Variants in SNX27 observed in about 807,000 individuals in gnomAD.
SNX27 encodes sorting nexin-27.
SNX27 carries 22 observed loss-of-function variants against 71.6 expected under a neutral mutation model. The observed-to-expected ratio is 0.31, with a 90% CI of 0.22 to 0.44. SNX27 has a LOEUF of 0.44. SNX27 is among the 20% of genes least tolerant of loss of function. The pLI, the probability that SNX27 is intolerant of heterozygous loss-of-function variation, is 1.00. For synonymous variants in SNX27, 269 were observed against 277.2 expected (o/e 0.97, Z 0.29); for missense variants, 531 against 698.6 (o/e 0.76, Z 2.70).
At chr1:151,635,027 C>T (rs1331955226) in intron 1 of SNX27, among the ~76,000 whole-genome samples, 1 of 152,096 alleles carries the variant, frequency 6.6e-6, no homozygotes, top group Non-Finnish European at 1.5e-5. Context: ...TCTGTGAACC[C>T]CATTGTCATT....
At chr1:151,663,092 G>T (rs1670033219) in intron 5 of SNX27, among the ~76,000 whole-genome samples, 1 of 151,210 alleles carries the variant, frequency 6.6e-6, no homozygotes, top group Non-Finnish European at 1.5e-5. Flanking sequence ...GTCTAAAAAT[G>T]ATTTTTTACA....
At chr1:151,689,724 A>C (rs1671349936) in intron 8 of SNX27, among the ~76,000 whole-genome samples, 1 of 152,202 alleles carries the variant, frequency 6.6e-6, no homozygotes, top group South Asian at 2.1e-4. Context: ...CCTGGAGCAG[A>C]ATTGCTGCTT....
Position 151,688,504 on chromosome 1 carries a change from C to T in SNX27, c.1240-3931C>T, listed in dbSNP as rs150492749. 2.1e-3 allele frequency among the ~76,000 whole-genome samples: 319 copies of T among 151,844 alleles called. 2 individuals carry two copies. Among genetic ancestry groups the T allele is most frequent in the African/African-American group, 7.1e-3 (296 of 41,406 alleles). Reference sequence around the variant, plus strand: ...AAAAATTGCTGGGTGTGGGGGTGCACGCCTATAATCCCAGCTACTCAGGAG... The same window carrying T: ...AAAAATTGCTGGGTGTGGGGGTGCATGCCTATAATCCCAGCTACTCAGGAG... On this transcript the variant is annotated intron_variant, in intron 8 of 11. Transcript: ENST00000458013.
At chr1:151,649,058 G>A (rs35478989) in intron 2 of SNX27, among the ~76,000 whole-genome samples, 2,777 of 151,402 alleles carry the variant, frequency 0.018, 37 homozygotes, top group Middle Eastern at 0.034. Context: ...TGCCTCCTGG[G>A]TTCAAGCAAT....
At chr1:151,653,119 G>T (rs1232661598) in intron 2 of SNX27, among the ~76,000 whole-genome samples, 1 of 151,800 alleles carries the variant, frequency 6.6e-6, no homozygotes. Flanking sequence ...TAGAGACAGG[G>T]TTTCTCCATG....
intron 8 of SNX27, among the ~76,000 whole-genome samples, chr1:151,691,392 AC>A (rs1671434332): frequency 6.6e-6 from 1 of 151,000 alleles, no homozygotes; most frequent in South Asian, 2.1e-4. Flanking sequence ...GAATTGTGAG[AC>A]CCCTTCTAGC....
chr1:151,653,196 G>A (rs1406954937), intron 2 of SNX27, among the ~76,000 whole-genome samples: 1 of 152,102 alleles, frequency 6.6e-6, no homozygotes, highest in Non-Finnish European at 1.5e-5. Context: ...AAAATGCTGG[G>A]ATTACAGGTG....
At chr1:151,647,132 C>CTTTTTTT (rs56999871) in intron 2 of SNX27, among the ~76,000 whole-genome samples, 1 of 130,312 alleles carries the variant, frequency 7.7e-6, no homozygotes, top group African/African-American at 2.9e-5. Flanking sequence ...ATCTCTATTA[C>CTTTTTTT]TTTTTTTTTT....
At chr1:151,637,187 CAG>C (rs1162201185) in intron 1 of SNX27, among the ~76,000 whole-genome samples, 2 of 118,026 alleles carry the variant, frequency 1.7e-5, no homozygotes, top group Admixed American at 2.0e-4. Flanking sequence ...TTTTTTGAGA[CAG>C]AGTCTTGCTC....
chr1:151,622,501 TACTTG>T (rs1667721876), intron 1 of SNX27, among the ~76,000 whole-genome samples: 1 of 152,240 alleles, frequency 6.6e-6, no homozygotes, highest in Non-Finnish European at 1.5e-5. Flanking sequence ...TTTGATGATT[TACTTG>T]ACTTGCAAAC....
At chr1:151,686,734 C>T (rs1054317624) in intron 8 of SNX27, among the ~76,000 whole-genome samples, 39 of 152,228 alleles carry the variant, frequency 2.6e-4, no homozygotes, top group African/African-American at 9.4e-4. Context: ...TGCCATTAAC[C>T]ATAGCAACTA....
chr1:151,630,687 C>G (rs1358977650), intron 1 of SNX27, among the ~76,000 whole-genome samples: 1 of 152,196 alleles, frequency 6.6e-6, no homozygotes, highest in African/African-American at 2.4e-5. Flanking sequence ...AATCTTATAT[C>G]TCAAGAGTTT....
At chr1:151,658,186 A>G in intron 2 of SNX27, 49 bp from the exon 3 acceptor site, 1 of 1,526,758 alleles carries the variant, frequency 6.5e-7, no homozygotes, top group South Asian at 1.2e-5. Context: ...TGATTTTGTG[A>G]TTTAATTTGT....
At chr1:151,676,297 TTTTTTTTTTTTTTTTTTTTTTTTTTTG>T (rs1670699096) in intron 7 of SNX27, 1 of 39,648 alleles carries the variant, frequency 2.5e-5, no homozygotes, top group African/African-American at 1.0e-4. Flanking sequence ...TTTTTTTTTT[TTTTTTTTTTTTTTTTTTTTTTTTTTTG>T]AGACAGAGTC....
chr1:151,648,071 T>G (rs1005888289), intron 2 of SNX27, among the ~76,000 whole-genome samples: 51 of 152,200 alleles, frequency 3.4e-4, no homozygotes, highest in Non-Finnish European at 1.2e-4. Context: ...TTTTTGTTTT[T>G]TGAGGTGGAG....
intron 2 of SNX27, among the ~76,000 whole-genome samples, chr1:151,651,986 G>A (rs549450712): frequency 3.2e-4 from 49 of 152,298 alleles, no homozygotes; most frequent in African/African-American, 9.6e-4. Context: ...GATCACTTGC[G>A]GTTAGGGGCT....
intron 6 of SNX27, among the ~76,000 whole-genome samples, chr1:151,667,961 C>G (rs949658769): frequency 6.6e-6 from 1 of 151,870 alleles, no homozygotes; most frequent in Non-Finnish European, 1.5e-5. Flanking sequence ...GTGTCTTAGT[C>G]CATTTTGTGT....
intron 7 of SNX27, chr1:151,679,703 T>C (rs184840622): frequency 6.6e-5 from 10 of 152,298 alleles, no homozygotes; most frequent in Admixed American, 5.9e-4. Flanking sequence ...AGAAAGGAAG[T>C]CATAGCATAG....
intron 1 of SNX27, among the ~76,000 whole-genome samples, chr1:151,619,678 C>T (rs945011617): frequency 2.6e-5 from 4 of 152,078 alleles, no homozygotes; most frequent in Non-Finnish European, 5.9e-5. Flanking sequence ...TGGCCTGGTA[C>T]ATTAATTTCA....
Sources: allele counts gnomAD v4.1 joint callset (sites outside exome capture counted in the v4.1 genomes callset), GRCh38; gene constraint gnomAD v4.1.1; transcripts MANE v1.5; gene names NCBI Gene and HGNC (gene_info 2026-07-23, HGNC 2026-07-21).